Variants in USP9X observed in about 807,000 individuals in gnomAD.
The protein encoded by USP9X is ubiquitin carboxyl-terminal hydrolase 9X.
USP9X carries 7 observed loss-of-function variants against 190.3 expected under a neutral mutation model. The ratio of observed to expected loss-of-function variants is 0.04; its 90% CI spans 0.02 to 0.07. The LOEUF (loss-of-function observed/expected upper bound fraction) is 0.07. Among genes scored for constraint, USP9X ranks in the 10% least tolerant of loss-of-function variants. USP9X has a pLI of 1.00. For synonymous variants in USP9X, 645 were observed against 659.5 expected, an observed-to-expected ratio of 0.98 and a Z score of 0.34; for missense variants, 1,010 against 1,916.9, an observed-to-expected ratio of 0.53 and a Z score of 8.83.
chrX:41,154,125 C>T (rs2062555458), intron 14 of USP9X, among the ~76,000 whole-genome samples: 1 of 111,554 alleles, frequency 9.0e-6, no homozygotes, highest in South Asian at 3.7e-4. Flanking sequence ...CTTTATTCTT[C>T]CATTTATCCC....
rs148137158 is a variant in USP9X at position 41,191,893 on chromosome X, T to C, written c.3977+2418T>C. Among the ~76,000 whole-genome samples, 77 of 111,873 alleles carry C rather than the reference T, an allele frequency of 6.9e-4. 1 individual carries two copies. In the East Asian group the frequency reaches 0.021, roughly 30 times the overall value. On this transcript the variant is annotated intron_variant, in intron 26 of 44. Coordinates refer to ENST00000378308, the MANE Select transcript of USP9X (RefSeq NM_001039591.3). ...CTCATGTTTGGGCAGGATTTATATG[T>C]GCATAAAAGTAGAAGATGGTCATTG...
chrX:41,166,514 C>A (rs1214086904), intron 16 of USP9X, among the ~76,000 whole-genome samples: 1 of 111,613 alleles, frequency 9.0e-6, no homozygotes, highest in Non-Finnish European at 1.9e-5. Flanking sequence ...AATGTTCCTT[C>A]CCGAGTTTTC....
chrX:41,099,099 T>G (rs970660840), intron 1 of USP9X, among the ~76,000 whole-genome samples: 1 of 44,960 alleles, frequency 2.2e-5, no homozygotes, highest in African/African-American at 7.9e-5. Flanking sequence ...GATAATTGTT[T>G]TTTTTTTTTT....
rs772739394 is a variant in USP9X at position 41,189,381 on chromosome X, T to G, written c.3883T>G (p.Cys1295Gly). The change falls in exon 26 of 45, where the codon TGT becomes GGT. Residue 1295 changes from cysteine to glycine, a missense_variant. Cys to Gly is a radical substitution (Grantham distance 159, BLOSUM62 -3). Around this residue, in one of 11 missense-constraint regions of USP9X, gnomAD observed 351 missense variants for 480.8 expected, o/e 0.73. Coordinates refer to ENST00000378308, the MANE Select transcript of USP9X (RefSeq NM_001039591.3). Reference sequence around the variant, plus strand: ...TGAAGCATTGGAAGTGATGACCTTATGTTTTGCCTTGATTCCAACAGCCTT... The same window carrying G: ...TGAAGCATTGGAAGTGATGACCTTAGGTTTTGCCTTGATTCCAACAGCCTT... The part of the protein sequence containing the change: ...CCEALEVMTL[C>G]FALIPTALDA... The G allele has an allele frequency of 5.8e-6, 7 of 1,210,183 alleles. No individual in the cohort carries two copies. The African/African-American group carries it at 1.2e-4, about 21-fold the overall frequency.
At position 41,235,246 on chromosome X, in the gene USP9X, T is replaced by C. The variant is rs1163217796; in HGVS notation, c.*2722T>C. On this transcript the variant is annotated 3_prime_UTR_variant, in exon 45 of 45. Transcript: ENST00000378308. Reference sequence around the variant, plus strand: ...TTATTTTTGTTTGTGCAAATTATTTTCTATATTTAACTCAAGCATTAATGT... The same window carrying C: ...TTATTTTTGTTTGTGCAAATTATTTCCTATATTTAACTCAAGCATTAATGT... The C allele has an allele frequency of 8.9e-6, 1 of 112,557 alleles. No individual in the cohort carries two copies. The highest frequency in any genetic ancestry group is 3.2e-5 in the African/African-American group (1 of 30,902). The allele number at this position is 112,557 out of a possible 1,213,427, so 9.3% of individuals were successfully genotyped here.
At position 41,206,925 on chromosome X, in the gene USP9X, C is replaced by T. The variant is rs1355331554; in HGVS notation, c.5015+1432C>T. On this transcript the variant is annotated intron_variant, in intron 32 of 44. Coordinates refer to ENST00000378308, the MANE Select transcript of USP9X (RefSeq NM_001039591.3). ...GAGTAGCTAGGGTTAACAGGGGTTA[C>T]AGGCGTGGGCCAACCATGCCCGGCC... is the stretch of plus-strand genomic sequence containing the variant. Among the ~76,000 whole-genome samples, 8 of 107,500 alleles carry T rather than the reference C, an allele frequency of 7.4e-5. No homozygotes were observed. The Admixed American group carries it at 8.0e-4, about 11-fold the overall frequency. 93.4% of individuals were successfully genotyped at this position (107,500 alleles called of 115,157 possible).
At chrX:41,134,688 C>T in intron 4 of USP9X, 37 bp from the exon 5 acceptor site, 1 of 1,132,782 alleles carries the variant, frequency 8.8e-7, no homozygotes, top group Non-Finnish European at 1.2e-6. Context: ...ACCAGATGAA[C>T]ATTTTGTTTG....
At chrX:41,101,717 C>T (rs1179985435) in intron 1 of USP9X, among the ~76,000 whole-genome samples, 1 of 112,330 alleles carries the variant, frequency 8.9e-6, no homozygotes, top group Non-Finnish European at 1.9e-5. Context: ...TTAGAGGATA[C>T]TTCTTCTCAG....
chrX:41,220,185 T>C lies in USP9X; in HGVS notation c.6565+954T>C, dbSNP rs748324306. On this transcript the variant is annotated intron_variant, in intron 38 of 44. Coordinates refer to ENST00000378308, the MANE Select transcript of USP9X (RefSeq NM_001039591.3). ...CTTGTCTTTTCCGTAATTGCAGATA[T>C]TTGGGTATTTGTAGATGAGAAAGAG... 4.5e-5 allele frequency among the ~76,000 whole-genome samples: 5 copies of C among 112,057 alleles called. No individual in the cohort carries two copies. The South Asian group carries it at 1.9e-3, about 42-fold the overall frequency.
chrX:41,224,316 T>C (rs2063293031), intron 39 of USP9X, among the ~76,000 whole-genome samples: 1 of 111,735 alleles, frequency 8.9e-6, no homozygotes, highest in South Asian at 3.7e-4. Flanking sequence ...CTTAGGTAAC[T>C]TGATTTAAAA....
At chrX:41,223,796 G>T (rs1168257687) in intron 39 of USP9X, among the ~76,000 whole-genome samples, 2 of 111,892 alleles carry the variant, frequency 1.8e-5, no homozygotes, top group African/African-American at 6.5e-5. Context: ...TCTGGAGGAA[G>T]ATTTTTGCTT....
chrX:41,114,543 C>T (rs1272781444), intron 1 of USP9X, among the ~76,000 whole-genome samples: 2 of 101,978 alleles, frequency 2.0e-5, no homozygotes, highest in African/African-American at 7.4e-5. Context: ...TGCAGTGGTG[C>T]GATCTTAGCT....
chrX:41,092,186 A>G (rs746630664), intron 1 of USP9X, among the ~76,000 whole-genome samples: 1 of 111,836 alleles, frequency 8.9e-6, no homozygotes, highest in African/African-American at 3.3e-5. Flanking sequence ...ATTAGATCCC[A>G]TCTTCTACAG....
chrX:41,148,653 T>C, intron 12 of USP9X, 78 bp downstream of exon 12: 1 of 945,210 alleles, frequency 1.1e-6, no homozygotes, highest in Non-Finnish European at 1.5e-6. Flanking sequence ...GATAGTTCTG[T>C]TACTCTGACA....
At chrX:41,135,796 A>G (rs2062367988) in intron 5 of USP9X, among the ~76,000 whole-genome samples, 1 of 110,018 alleles carries the variant, frequency 9.1e-6, no homozygotes, top group African/African-American at 3.3e-5. Flanking sequence ...ACGCCTGGCT[A>G]ATTTTTGTAT....
chrX:41,177,184 C>CAGTAAT (rs2062782100), intron 21 of USP9X, among the ~76,000 whole-genome samples: 1 of 112,273 alleles, frequency 8.9e-6, no homozygotes, highest in African/African-American at 3.2e-5. Context: ...TTAGCATATA[C>CAGTAAT]AGTAATATCA....
intron 15 of USP9X, among the ~76,000 whole-genome samples, chrX:41,163,614 A>G (rs1413220094): frequency 4.6e-5 from 5 of 109,017 alleles, no homozygotes; most frequent in African/African-American, 1.3e-4. Flanking sequence ...TCAGCCAGGC[A>G]TGGTGGTGTT....
At chrX:41,089,905 T>G (rs1395659351) in intron 1 of USP9X, among the ~76,000 whole-genome samples, 2 of 13,589 alleles carry the variant, frequency 1.5e-4, no homozygotes, top group East Asian at 1.3e-3. Flanking sequence ...CTATGAGGGT[T>G]TTTTTTTTTT....
intron 14 of USP9X, among the ~76,000 whole-genome samples, chrX:41,157,443 A>G (rs1835762606): frequency 1.8e-5 from 2 of 111,326 alleles, no homozygotes. Flanking sequence ...GCTTATACTG[A>G]TGCAGGGGCA....
Sources: allele counts gnomAD v4.1 joint callset (sites outside exome capture counted in the v4.1 genomes callset), GRCh38; gene constraint gnomAD v4.1.1; regional missense constraint gnomAD v4.1.1; transcripts MANE v1.5; gene names NCBI Gene and HGNC (gene_info 2026-07-23, HGNC 2026-07-21).